The following ABAT variants were observed in gnomAD, a reference collection of about 807,000 sequenced individuals.
The protein encoded by ABAT is 4-aminobutyrate aminotransferase, also known as 4-aminobutyrate aminotransferase, mitochondrial.
In ABAT, 45 loss-of-function variants were observed where a neutral mutation model predicts 64.6. That is an observed-to-expected ratio of 0.70 (90% CI 0.55 to 0.89). The LOEUF is 0.89. Ranked by LOEUF, ABAT falls within the 40% of genes least tolerant of loss-of-function variation. ABAT has a pLI of 0.00. For synonymous variants in ABAT, 297 were observed against 250.5 expected (o/e 1.19, Z -1.75); for missense variants, 633 against 658.4 (o/e 0.96, Z 0.42).
rs201727625 is a variant in ABAT, at chr16:8,774,913, C to T, written c.978C>T (p.Asp326=). The stretch of plus-strand genomic sequence containing the variant: ...AGCATGGCTGCGCCTTCTTGGTGGA[C>T]GAGGTCCAGACCGGAGGAGGCTGCA... ...ARKHGCAFLV[D]EVQTGGGCTG... Residue 326 remains aspartate (D), a synonymous_variant, in exon 13 of 16, where the codon GAC becomes GAT. Coordinates refer to ENST00000268251, the MANE Select transcript of ABAT (RefSeq NM_020686.6). The T allele has an allele frequency of 3.6e-5, 58 of 1,613,890 alleles. No individual in the cohort carries two copies. Among genetic ancestry groups the T allele is most frequent in the Non-Finnish European group, 4.4e-5 (52 of 1,179,996 alleles).
At chr16:8,744,732 G>A (rs897277239) in intron 2 of ABAT, among the ~76,000 whole-genome samples, 2 of 151,790 alleles carry the variant, frequency 1.3e-5, no homozygotes, top group Non-Finnish European at 2.9e-5. Flanking sequence ...GCCGGGTGTA[G>A]TGGTAGGCAC....
chr16:8,767,324 C>T (rs957846995), intron 9 of ABAT, among the ~76,000 whole-genome samples: 1 of 152,216 alleles, frequency 6.6e-6, no homozygotes, highest in Non-Finnish European at 1.5e-5. Flanking sequence ...GCTCCCCTCA[C>T]CCGCTTTCTA....
At chr16:8,696,073 G>A (rs111801487) in intron 1 of ABAT, among the ~76,000 whole-genome samples, 4 of 152,178 alleles carry the variant, frequency 2.6e-5, no homozygotes, top group Admixed American at 1.3e-4. Context: ...ATCCGCCTTC[G>A]ATTTTGTAAC....
In ABAT at chr16:8,726,552, A is replaced by G. The variant is rs1434684044; in HGVS notation, c.-41-9147A>G. ...GAGCCACTGCGCTGAATAGTACTCC[A>G]TTGCGTGTATGAACCACATTTTCTT... is the stretch of plus-strand genomic sequence containing the variant. On this transcript the variant is annotated intron_variant, in intron 1 of 15. Transcript: ENST00000268251. 2.6e-5 allele frequency among the ~76,000 whole-genome samples: 4 copies of G among 152,142 alleles called. No homozygotes were observed. In the East Asian group the frequency reaches 5.8e-4, roughly 22 times the overall value.
chr16:8,752,024 A>G (rs1425071910), intron 5 of ABAT, among the ~76,000 whole-genome samples: 1 of 152,138 alleles, frequency 6.6e-6, no homozygotes, highest in Non-Finnish European at 1.5e-5. Context: ...CTTCTGCTGC[A>G]GAAGAGCCCG....
chr16:8,723,633 A>G (rs563587504), intron 1 of ABAT, among the ~76,000 whole-genome samples: 3 of 152,050 alleles, frequency 2.0e-5, no homozygotes, highest in South Asian at 2.1e-4. Context: ...TTGTGTGCCT[A>G]TGATTGTCCA....
At chr16:8,754,663 TTTATTTATTTC>T (rs1298449686) in intron 5 of ABAT, among the ~76,000 whole-genome samples, 963 of 22,226 alleles carry the variant, frequency 0.043, 3 homozygotes, top group Middle Eastern at 0.096. Context: ...AGCAAGTTGA[TTTATTTATTTC>T]TTTCTTTCTT....
chr16:8,759,775 C>A (rs2059743609), intron 6 of ABAT, among the ~76,000 whole-genome samples: 1 of 152,184 alleles, frequency 6.6e-6, no homozygotes, highest in African/African-American at 2.4e-5. Context: ...AACTCCTGGG[C>A]TCAAGTAATC....
intron 1 of ABAT, among the ~76,000 whole-genome samples, chr16:8,717,475 C>G (rs908955599): frequency 6.6e-6 from 1 of 152,110 alleles, no homozygotes; most frequent in African/African-American, 2.4e-5. Context: ...TTCTTTTGGG[C>G]AGTACTGTCT....
rs1294985666 is a variant in ABAT at position 8,746,101 on chromosome 16, G to A, written c.168+3G>A. On this transcript the variant is annotated splice_donor_region_variant and intron_variant, in intron 3 of 15. Transcript: ENST00000268251. ...AAGTCCCAGGGCCTAGATCTCAGGT[G>A]AGTTGAGCACACCTGAGTGGGGTAT... The A allele has an allele frequency of 6.8e-6, 11 of 1,610,708 alleles. No homozygotes were observed. The highest frequency in any genetic ancestry group is 9.3e-6 in the Non-Finnish European group (11 of 1,177,752).
chr16:8,745,497 G>T (rs955849891), intron 2 of ABAT, among the ~76,000 whole-genome samples: 1 of 151,974 alleles, frequency 6.6e-6, no homozygotes, highest in African/African-American at 2.4e-5. Flanking sequence ...AGGAGTTTGA[G>T]GCCAGCCTGG....
At chr16:8,742,865 CAAA>C (rs71152927) in intron 2 of ABAT, among the ~76,000 whole-genome samples, 2 of 96,982 alleles carry the variant, frequency 2.1e-5, no homozygotes, top group African/African-American at 4.3e-5. Context: ...GACCCTGTCT[CAAA>C]AAAAAAAAAA....
chr16:8,727,226 T>C (rs2058584728), intron 1 of ABAT, among the ~76,000 whole-genome samples: 1 of 152,140 alleles, frequency 6.6e-6, no homozygotes. Context: ...CCCTCCTCCC[T>C]TTGAGAGGGT....
intron 9 of ABAT, among the ~76,000 whole-genome samples, chr16:8,766,510 C>T (rs555624152): frequency 6.6e-6 from 1 of 151,816 alleles, no homozygotes; most frequent in Admixed American, 6.6e-5. Flanking sequence ...CAAAAATTAC[C>T]CGGGCATAGT....
At chr16:8,675,134 C>T (rs1292306339) in intron 1 of ABAT, among the ~76,000 whole-genome samples, 2 of 152,020 alleles carry the variant, frequency 1.3e-5, no homozygotes, top group Non-Finnish European at 2.9e-5. Flanking sequence ...TTATAAATTA[C>T]AGTGACCTCC....
chr16:8,674,752 G>C (rs1010827928), intron 1 of ABAT, 41 bp downstream of exon 1: 1 of 152,298 alleles, frequency 6.6e-6, no homozygotes. Context: ...GGGCCCTTCC[G>C]AGGGGAGCCG....
rs1245662164 is a variant in ABAT at position 8,783,061 on chromosome 16, A to G, written c.*1631A>G. The stretch of plus-strand genomic sequence containing the variant: ...ATTCTTGTTCATTTTGCATTCCTGC[A>G]GTCAGTGCTAATCCGTCGTTCTTAA... On this transcript the variant is annotated 3_prime_UTR_variant, in exon 16 of 16. Coordinates refer to ENST00000268251, the MANE Select transcript of ABAT (RefSeq NM_020686.6). 1 of 152,198 alleles carries G rather than the reference A, an allele frequency of 6.6e-6. No homozygotes were observed. Among genetic ancestry groups the G allele is most frequent in the East Asian group, 1.9e-4 (1 of 5,184 alleles). 9.4% of individuals were successfully genotyped at this position (152,198 alleles called of 1,614,324 possible).
intron 2 of ABAT, among the ~76,000 whole-genome samples, 168 bp from the exon 3 acceptor site, chr16:8,745,833 G>A (rs1482328034): frequency 6.6e-6 from 1 of 152,166 alleles, no homozygotes; most frequent in African/African-American, 2.4e-5. Flanking sequence ...CAGTGTCCTT[G>A]TGGTGGCCCA....
chr16:8,708,630 A>G (rs550203798), intron 1 of ABAT, among the ~76,000 whole-genome samples: 2 of 152,328 alleles, frequency 1.3e-5, no homozygotes, highest in Admixed American at 6.5e-5. Context: ...AAGTGCCACA[A>G]GTTAAATTCT....
Sources: allele counts gnomAD v4.1 joint callset (sites outside exome capture counted in the v4.1 genomes callset), GRCh38; gene constraint gnomAD v4.1.1; transcripts MANE v1.5; gene names NCBI Gene and HGNC (gene_info 2026-07-23, HGNC 2026-07-21).